STMN2: variants seen among roughly 807,000 people sequenced by gnomAD.
STMN2 encodes the protein stathmin-2.
In STMN2, 2 loss-of-function variants were observed where a neutral mutation model predicts 24.1. That is an observed-to-expected ratio of 0.08 (90% CI 0.03 to 0.26). The LOEUF is 0.26. STMN2 is among the 10% of genes least tolerant of loss of function. The pLI is 1.00. For missense variants in STMN2, 114 were observed against 213.6 expected (o/e 0.53, Z 2.91); for synonymous variants, 83 against 77.5 (o/e 1.07, Z -0.37).
chr8:79,629,861 T>C (rs564642941), intron 1 of STMN2, among the ~76,000 whole-genome samples: 21 of 152,330 alleles, frequency 1.4e-4, no homozygotes, highest in African/African-American at 4.6e-4. Flanking sequence ...ATAACTATTA[T>C]AGATAAAGTG....
intron 1 of STMN2, among the ~76,000 whole-genome samples, chr8:79,616,490 C>A (rs1310115233): frequency 6.6e-6 from 1 of 152,136 alleles, no homozygotes; most frequent in Non-Finnish European, 1.5e-5. Context: ...CTTTGATGTG[C>A]ATATGAATTA....
intron 4 of STMN2, among the ~76,000 whole-genome samples, chr8:79,656,728 A>G (rs1233867320): frequency 6.6e-6 from 1 of 152,166 alleles, no homozygotes; most frequent in Non-Finnish European, 1.5e-5. Flanking sequence ...TAAAACAATT[A>G]AGTGAAGTTG....
At chr8:79,663,279 G>T (rs1440718971) in intron 4 of STMN2, among the ~76,000 whole-genome samples, 1 of 152,144 alleles carries the variant, frequency 6.6e-6, no homozygotes, top group African/African-American at 2.4e-5. Context: ...GTGATTAAGA[G>T]AGTGAGCTGT....
chr8:79,651,419 G>A (rs946899211), intron 3 of STMN2, among the ~76,000 whole-genome samples: 40 of 152,174 alleles, frequency 2.6e-4, no homozygotes, highest in African/African-American at 9.6e-4. Context: ...AATGGAGTAG[G>A]CATTGGTTAT....
chr8:79,648,025 T>C (rs1293906725), intron 3 of STMN2, among the ~76,000 whole-genome samples: 2 of 152,228 alleles, frequency 1.3e-5, no homozygotes, highest in Non-Finnish European at 2.9e-5. Context: ...ATTATTTCTC[T>C]TTACTCTCAT....
chr8:79,629,834 T>C (rs372297997), intron 1 of STMN2, among the ~76,000 whole-genome samples: 1 of 152,218 alleles, frequency 6.6e-6, no homozygotes, highest in East Asian at 1.9e-4. Flanking sequence ...AAAATATTTG[T>C]TTCACAGTCG....
At chr8:79,614,001 A>C (rs1809319083) in intron 1 of STMN2, among the ~76,000 whole-genome samples, 1 of 122,944 alleles carries the variant, frequency 8.1e-6, no homozygotes, top group African/African-American at 3.2e-5. Context: ...AAATATATAA[A>C]TATAGTTTAT....
intron 1 of STMN2, among the ~76,000 whole-genome samples, chr8:79,615,574 G>A (rs752408784): frequency 8.5e-5 from 13 of 152,178 alleles, no homozygotes; most frequent in Non-Finnish European, 1.2e-4. Flanking sequence ...CTGTCCATTG[G>A]AAAACCTCGG....
intron 1 of STMN2, among the ~76,000 whole-genome samples, chr8:79,614,427 C>G (rs1008033897): frequency 6.6e-6 from 1 of 152,128 alleles, no homozygotes; most frequent in East Asian, 1.9e-4. Flanking sequence ...AGGATTTGGT[C>G]AGAATTTCAG....
At chr8:79,618,992 G>T (rs1471509843) in intron 1 of STMN2, among the ~76,000 whole-genome samples, 2 of 151,946 alleles carry the variant, frequency 1.3e-5, no homozygotes, top group Non-Finnish European at 1.5e-5. Flanking sequence ...GCAAGAAATA[G>T]ATAATTACAG....
chr8:79,628,576 T>C (rs1275898915), intron 1 of STMN2, among the ~76,000 whole-genome samples: 3 of 152,266 alleles, frequency 2.0e-5, no homozygotes, highest in Non-Finnish European at 4.4e-5. Flanking sequence ...ACCAGTCTCC[T>C]GTCTTTTTGA....
chr8:79,612,200 G>A (rs1809252420), intron 1 of STMN2, among the ~76,000 whole-genome samples: 1 of 151,994 alleles, frequency 6.6e-6, no homozygotes, highest in African/African-American at 2.4e-5. Context: ...ACTCCCCGCC[G>A]CGGCTTCCAA....
At chr8:79,657,341 T>C (rs147982916) in intron 4 of STMN2, among the ~76,000 whole-genome samples, 3 of 152,122 alleles carry the variant, frequency 2.0e-5, no homozygotes. Flanking sequence ...CTCTTTCCAC[T>C]CCCAACCAAA....
Position 79,640,530 on chromosome 8 carries a change from A to T in STMN2, c.116-848A>T, listed in dbSNP as rs114991488. ...ATGTTGCCACTCCCTCCTCCACCAC[A>T]GTGGCTCTATCCCTGGCTCCTGGCT... On this transcript the variant is annotated intron_variant, in intron 2 of 4. Coordinates refer to ENST00000220876, the MANE Select transcript of STMN2 (RefSeq NM_007029.4). Among the ~76,000 whole-genome samples the T allele has an allele frequency of 6.1e-3, 935 of 152,282 alleles. 9 individuals are homozygous for T. Among genetic ancestry groups the T allele is most frequent in the African/African-American group, 0.022 (907 of 41,568 alleles).
chr8:79,660,036 T>C (rs560912615), intron 4 of STMN2, among the ~76,000 whole-genome samples: 1 of 152,322 alleles, frequency 6.6e-6, no homozygotes, highest in South Asian at 2.1e-4. Context: ...AATTTTCAAA[T>C]GTGAATTGCT....
chr8:79,617,530 GTC>G (rs1256468127), intron 1 of STMN2, among the ~76,000 whole-genome samples: 1 of 152,190 alleles, frequency 6.6e-6, no homozygotes, highest in African/African-American at 2.4e-5. Flanking sequence ...TCATTTCAGG[GTC>G]TCTCAGAAGC....
At chr8:79,624,608 T>C (rs962538142) in intron 1 of STMN2, among the ~76,000 whole-genome samples, 23 of 151,888 alleles carry the variant, frequency 1.5e-4, no homozygotes. Context: ...CTCCTACAAA[T>C]AGCAAAGAGT....
intron 3 of STMN2, among the ~76,000 whole-genome samples, chr8:79,643,829 G>GA (rs200467717): frequency 1.4e-4 from 21 of 147,428 alleles, no homozygotes; most frequent in South Asian, 1.1e-3. Context: ...ATGATGCCCA[G>GA]AAAAAAAAAA....
At chr8:79,645,960 T>G (rs1810208500) in intron 3 of STMN2, among the ~76,000 whole-genome samples, 1 of 152,242 alleles carries the variant, frequency 6.6e-6, no homozygotes, top group African/African-American at 2.4e-5. Flanking sequence ...ACTTGTCTTT[T>G]GTTTAATAGT....
Sources: allele counts gnomAD v4.1 joint callset (sites outside exome capture counted in the v4.1 genomes callset), GRCh38; gene constraint gnomAD v4.1.1; transcripts MANE v1.5; gene names NCBI Gene and HGNC (gene_info 2026-07-23, HGNC 2026-07-21).